The following PARD3B variants were observed in gnomAD, a reference collection of about 807,000 sequenced individuals.
PARD3B encodes partitioning defective 3 homolog B.
In PARD3B, 103 loss-of-function variants were observed where a neutral mutation model predicts 130.2. The observed-to-expected ratio is 0.79, with a 90% CI of 0.67 to 0.93. The LOEUF is 0.93. Among genes scored for constraint, PARD3B ranks in the 40% least tolerant of loss-of-function variants. The pLI, the probability that PARD3B is intolerant of heterozygous loss-of-function variation, is 0.00. For missense variants in PARD3B, 1,609 were observed against 1,499.2 expected (o/e 1.07, Z -1.21); for synonymous variants, 583 against 553.2 (o/e 1.05, Z -0.76).
At chr2:205,326,362 A>T (rs1439286546) in intron 18 of PARD3B, among the ~76,000 whole-genome samples, 2 of 152,188 alleles carry the variant, frequency 1.3e-5, no homozygotes, top group Non-Finnish European at 2.9e-5. Context: ...TTAGGGACAC[A>T]ATTTGACAAT....
intron 2 of PARD3B, among the ~76,000 whole-genome samples, chr2:204,736,697 G>C (rs1049675004): frequency 4.2e-4 from 64 of 152,078 alleles, no homozygotes; most frequent in African/African-American, 1.5e-3. Flanking sequence ...CATTTAGATT[G>C]GTTCTACATC....
intron 2 of PARD3B, among the ~76,000 whole-genome samples, chr2:204,936,367 A>AT (rs1688457883): frequency 6.6e-6 from 1 of 152,230 alleles, no homozygotes. Context: ...AAATAAATTG[A>AT]CAAAGGTAAA....
At chr2:204,663,668 C>A in intron 1 of PARD3B, among the ~76,000 whole-genome samples, 1 of 152,238 alleles carries the variant, frequency 6.6e-6, no homozygotes, top group Middle Eastern at 3.4e-3. Context: ...CCTCTTTGAG[C>A]CTTATTTTTC....
intron 20 of PARD3B, among the ~76,000 whole-genome samples, chr2:205,491,307 G>T (rs529189751): frequency 2.6e-5 from 4 of 152,186 alleles, no homozygotes; most frequent in Non-Finnish European, 4.4e-5. Flanking sequence ...AAGGGATCCA[G>T]TTTCAGCTTT....
At chr2:204,762,938 G>A (rs1049889093) in intron 2 of PARD3B, among the ~76,000 whole-genome samples, 1 of 151,654 alleles carries the variant, frequency 6.6e-6, no homozygotes, top group Non-Finnish European at 1.5e-5. Flanking sequence ...TTTTGTATTT[G>A]TAGTAGAGAC....
chr2:204,825,700 A>G lies in PARD3B; in HGVS notation c.222+139418A>G, dbSNP rs186343330. On this transcript the variant is annotated intron_variant, in intron 2 of 22. Coordinates refer to ENST00000406610, the MANE Select transcript of PARD3B (RefSeq NM_001302769.2). The stretch of plus-strand genomic sequence containing the variant: ...GTGAAATTCTAAATTCGATTCTCCT[A>G]TATATAGTTTCCCAGTAATTATCCA... 5.3e-3 allele frequency among the ~76,000 whole-genome samples: 810 copies of G among 152,318 alleles called. 1 individual carries two copies. The highest frequency in any genetic ancestry group is 8.2e-3 in the Non-Finnish European group (557 of 68,036).
chr2:205,578,818 A>T (rs1474972148), intron 22 of PARD3B, among the ~76,000 whole-genome samples: 2 of 152,216 alleles, frequency 1.3e-5, no homozygotes, highest in African/African-American at 4.8e-5. Context: ...TCTGTTTTTT[A>T]AATGAATTTT....
intron 4 of PARD3B, among the ~76,000 whole-genome samples, chr2:205,065,463 C>T (rs1010982782): frequency 8.5e-5 from 13 of 152,090 alleles, no homozygotes; most frequent in Admixed American, 6.5e-5. Context: ...ACCCTAAATA[C>T]GTATTTTTTA....
intron 2 of PARD3B, among the ~76,000 whole-genome samples, chr2:204,857,021 A>G (rs938965737): frequency 1.3e-5 from 2 of 151,968 alleles, no homozygotes; most frequent in Non-Finnish European, 2.9e-5. Context: ...TTTGGTTGTT[A>G]TGGGTCTTTT....
Position 205,125,674 on chromosome 2 carries a change from G to A in PARD3B, c.1371G>A (p.Lys457=). Residue 457 remains lysine, a synonymous_variant, in exon 10 of 23, where the codon AAG becomes AAA. Transcript: ENST00000406610. This position sits in a 1 kb window ranked among gnomAD's most constrained non-coding sequence, Gnocchi z 4.0. Reference sequence around the variant, plus strand: ...TTGTGGCCATGCTCAGGAGCACCAAGCAGGGGGAGACAGCATCGCTGGTCA... The same window carrying A: ...TTGTGGCCATGCTCAGGAGCACCAAACAGGGGGAGACAGCATCGCTGGTCA... ...EELVAMLRST[K]QGETASLVIA... is the part of the protein sequence containing the mutation. 8 of 1,614,148 alleles carry A rather than the reference G, an allele frequency of 5.0e-6. No individual in the cohort carries two copies. Among genetic ancestry groups the A allele is most frequent in the Non-Finnish European group, 6.8e-6 (8 of 1,180,034 alleles).
chr2:204,741,394 C>A (rs556010715), intron 2 of PARD3B, among the ~76,000 whole-genome samples: 6 of 152,238 alleles, frequency 3.9e-5, no homozygotes, highest in African/African-American at 1.4e-4. Flanking sequence ...ATTAGGACTT[C>A]ATTTCCCCAA....
At chr2:205,211,025 T>C (rs914594060) in intron 15 of PARD3B, among the ~76,000 whole-genome samples, 3 of 152,122 alleles carry the variant, frequency 2.0e-5, no homozygotes, top group Non-Finnish European at 4.4e-5. Flanking sequence ...GTGTCTTTCA[T>C]TAAGTGTTCA....
At chr2:204,684,562 G>T (rs2125240197) in intron 1 of PARD3B, among the ~76,000 whole-genome samples, 1 of 152,192 alleles carries the variant, frequency 6.6e-6, no homozygotes, top group South Asian at 2.1e-4. Context: ...ATTGTCCAGT[G>T]GCCATTACAT....
chr2:204,984,430 TG>T (rs1447080173), intron 3 of PARD3B, among the ~76,000 whole-genome samples: 1 of 152,186 alleles, frequency 6.6e-6, no homozygotes, highest in Admixed American at 6.5e-5. Flanking sequence ...AGGGAAAATT[TG>T]GCAAAATGAT....
At chr2:205,471,084 C>G (rs999685380) in intron 20 of PARD3B, among the ~76,000 whole-genome samples, 8 of 152,068 alleles carry the variant, frequency 5.3e-5, no homozygotes, top group African/African-American at 1.9e-4. Context: ...TCAGCTGTGT[C>G]TTTTTAAGTG....
At chr2:204,662,142 A>G (rs909421067) in intron 1 of PARD3B, among the ~76,000 whole-genome samples, 1 of 152,184 alleles carries the variant, frequency 6.6e-6, no homozygotes, top group Admixed American at 6.5e-5. Flanking sequence ...AACATCATAC[A>G]TTTGTCCCTT....
At chr2:205,003,112 C>T (rs1158203842) in intron 3 of PARD3B, among the ~76,000 whole-genome samples, 1 of 152,074 alleles carries the variant, frequency 6.6e-6, no homozygotes, top group Admixed American at 6.6e-5. Flanking sequence ...GCTCCTGGTC[C>T]CCTTCCATCT....
At chr2:204,685,053 G>A (rs1194628350) in intron 1 of PARD3B, among the ~76,000 whole-genome samples, 1 of 152,006 alleles carries the variant, frequency 6.6e-6, no homozygotes, top group African/African-American at 2.4e-5. Context: ...CTGTTTATTG[G>A]GGGTCAGCTA....
intron 18 of PARD3B, among the ~76,000 whole-genome samples, chr2:205,381,023 G>T (rs540514376): frequency 0.019 from 1,259 of 64,860 alleles, 52 homozygotes; most frequent in African/African-American, 0.11. Flanking sequence ...GAATATATAT[G>T]ATATATTATA....
Sources: allele counts gnomAD v4.1 joint callset (sites outside exome capture counted in the v4.1 genomes callset), GRCh38; gene constraint gnomAD v4.1.1; non-coding constraint Gnocchi (gnomAD v3.1); transcripts MANE v1.5; gene names NCBI Gene and HGNC (gene_info 2026-07-23, HGNC 2026-07-21).